The following BMPR1B variants were observed in gnomAD, a reference collection of about 807,000 sequenced individuals.
BMPR1B encodes bone morphogenetic protein receptor type 1B.
Under a neutral mutation model 59.1 loss-of-function variants are expected in BMPR1B, and 12 were observed. The ratio of observed to expected loss-of-function variants is 0.20; its 90% CI spans 0.13 to 0.33. BMPR1B has a LOEUF of 0.33. Ranked by LOEUF, BMPR1B falls within the 10% of genes least tolerant of loss-of-function variation. The probability of loss-of-function intolerance (pLI) is 1.00; values close to 1 mark genes in which losing one functional copy is unlikely to be tolerated. For synonymous variants in BMPR1B, 237 were observed against 207.3 expected (o/e 1.14, Z -1.23); for missense variants, 550 against 610.9 (o/e 0.90, Z 1.05).
At chr4:94,796,867 A>C (rs1723213495) in intron 1 of BMPR1B, among the ~76,000 whole-genome samples, 1 of 152,234 alleles carries the variant, frequency 6.6e-6, no homozygotes, top group Admixed American at 6.5e-5. Context: ...TTTGATTTGT[A>C]ATTATAGTCA....
intron 1 of BMPR1B, among the ~76,000 whole-genome samples, chr4:94,865,657 C>G (rs1726197988): frequency 6.6e-6 from 1 of 152,186 alleles, no homozygotes; most frequent in Non-Finnish European, 1.5e-5. Context: ...TCCCAAAGTG[C>G]TGGGATTACA....
intron 3 of BMPR1B, among the ~76,000 whole-genome samples, chr4:95,063,254 A>G (rs1727540433): frequency 6.6e-6 from 1 of 152,222 alleles, no homozygotes; most frequent in African/African-American, 2.4e-5. Context: ...TAGAAATCCA[A>G]GCATACAAAT....
Position 95,003,892 on chromosome 4 carries a change from C to T in BMPR1B, c.-18+7758C>T, listed in dbSNP as rs560711681. Among the ~76,000 whole-genome samples the T allele has an allele frequency of 8.8e-5, 13 of 148,302 alleles. No homozygotes were observed. In the South Asian group the frequency reaches 1.3e-3, roughly 15 times the overall value. On this transcript the variant is annotated intron_variant, in intron 3 of 12. Coordinates refer to ENST00000515059, the MANE Select transcript of BMPR1B (RefSeq NM_001203.3). ...GCACAATCTCAGCTCAATACAACCT[C>T]CTTCTCCCAAGTTCAAGCGATTCTT... is the stretch of plus-strand genomic sequence containing the variant.
At chr4:94,760,271 T>C (rs191370177) in intron 1 of BMPR1B, among the ~76,000 whole-genome samples, 280 of 152,278 alleles carry the variant, frequency 1.8e-3, no homozygotes, top group African/African-American at 6.4e-3. Flanking sequence ...CCTGTTAGAT[T>C]ATTGTCCCTG....
intron 1 of BMPR1B, among the ~76,000 whole-genome samples, chr4:94,805,538 C>T (rs570755287): frequency 6.6e-6 from 1 of 152,250 alleles, no homozygotes; most frequent in East Asian, 1.9e-4. Context: ...CTTTTGTCCC[C>T]TAATCAAACT....
intron 3 of BMPR1B, among the ~76,000 whole-genome samples, chr4:95,017,044 G>A (rs1229077693): frequency 2.0e-5 from 3 of 152,148 alleles, no homozygotes; most frequent in Non-Finnish European, 4.4e-5. Flanking sequence ...CATTCACTTT[G>A]TTTTTCCTTC....
chr4:94,802,572 C>T (rs777892059), intron 1 of BMPR1B, among the ~76,000 whole-genome samples: 13 of 152,116 alleles, frequency 8.5e-5, no homozygotes, highest in Non-Finnish European at 1.6e-4. Flanking sequence ...GCATGGAGGA[C>T]ATAAGCAAAG....
chr4:94,894,312 G>C (rs1727505543), intron 2 of BMPR1B, among the ~76,000 whole-genome samples: 3 of 152,024 alleles, frequency 2.0e-5, no homozygotes, highest in African/African-American at 4.8e-5. Context: ...TTTTCACATA[G>C]ATCAACTGTT....
chr4:95,044,259 C>G (rs944758968), intron 3 of BMPR1B, among the ~76,000 whole-genome samples: 9 of 152,086 alleles, frequency 5.9e-5, no homozygotes, highest in Non-Finnish European at 1.3e-4. Context: ...AATGGTCTCC[C>G]CAAATATATT....
rs552053294 is a variant in BMPR1B at position 94,885,372 on chromosome 4, G to A, written c.-113+9472G>A. Among the ~76,000 whole-genome samples, 56 of 152,240 alleles carry A rather than the reference G, an allele frequency of 3.7e-4. No homozygotes were observed. The Middle Eastern group carries it at 0.01, about 28-fold the overall frequency. On this transcript the variant is annotated intron_variant, in intron 2 of 12. Transcript: ENST00000515059. ...TTATTTAGCACATCATTATTATTGC[G>A]GTTTAGAAAGATTTGACAAATGCAT...
intron 1 of BMPR1B, among the ~76,000 whole-genome samples, chr4:94,851,950 A>G (rs1265028726): frequency 2.0e-5 from 3 of 152,180 alleles, no homozygotes; most frequent in African/African-American, 7.2e-5. Context: ...ATGTAGGCTC[A>G]TAGTGTGTTA....
rs116821083 is a variant in BMPR1B at position 94,818,537 on chromosome 4, G to C, written c.-182-57294G>C. Among the ~76,000 whole-genome samples, 802 of 152,276 alleles carry C rather than the reference G, an allele frequency of 5.3e-3. 5 individuals carry two copies. The highest frequency in any genetic ancestry group is 0.018 in the African/African-American group (751 of 41,562). On this transcript the variant is annotated intron_variant, in intron 1 of 12. Coordinates refer to ENST00000515059, the MANE Select transcript of BMPR1B (RefSeq NM_001203.3). ...CTACTATGTGCCAGAGAGTATTGTA[G>C]GTGCTTAGATTAAAGCAGTGACCAG...
chr4:94,779,976 C>T (rs1722527549), intron 1 of BMPR1B, among the ~76,000 whole-genome samples: 1 of 151,978 alleles, frequency 6.6e-6, no homozygotes, highest in Non-Finnish European at 1.5e-5. Context: ...CCCTTAATCT[C>T]TATGTTACAT....
At chr4:94,981,045 A>G (rs1336751593) in intron 2 of BMPR1B, among the ~76,000 whole-genome samples, 5 of 148,752 alleles carry the variant, frequency 3.4e-5, no homozygotes, top group Non-Finnish European at 7.5e-5. Context: ...TTGTCATTTT[A>G]ACTCATATAC....
Position 95,132,470 on chromosome 4 carries a change from TATGAAGGTCTTCACC to T in BMPR1B, c.1076+962_1076+976del, listed in dbSNP as rs553039599. Among the ~76,000 whole-genome samples, 33 of 152,268 alleles carry T rather than the reference TATGAAGGTCTTCACC, an allele frequency of 2.2e-4. No individual in the cohort carries two copies. In the South Asian group the frequency reaches 6.6e-3, roughly 31 times the overall value. ...GTGATTTAATAACATACCCCAAATATATGAAGGTCTTCACCATGTAAAGGATGGGAAATTGAAGTT... is the reference window on the plus strand; with the variant it reads ...GTGATTTAATAACATACCCCAAATATATGTAAAGGATGGGAAATTGAAGTT... On this transcript the variant is annotated intron_variant, in intron 10 of 12. Coordinates refer to ENST00000515059, the MANE Select transcript of BMPR1B (RefSeq NM_001203.3).
At chr4:94,929,298 C>T (rs1354095802) in intron 2 of BMPR1B, among the ~76,000 whole-genome samples, 1 of 152,132 alleles carries the variant, frequency 6.6e-6, no homozygotes, top group Non-Finnish European at 1.5e-5. Context: ...AAACTAGAAT[C>T]ACTTGGAGCA....
chr4:94,953,775 T>C (rs964488002), intron 2 of BMPR1B, among the ~76,000 whole-genome samples: 2 of 152,222 alleles, frequency 1.3e-5, no homozygotes, highest in African/African-American at 4.8e-5. Flanking sequence ...TGGTGTTCTC[T>C]GTATTTCCTA....
chr4:95,076,500 T>G (rs1728721403), intron 3 of BMPR1B, among the ~76,000 whole-genome samples: 1 of 152,090 alleles, frequency 6.6e-6, no homozygotes, highest in African/African-American at 2.4e-5. Context: ...AGTATATAAA[T>G]TGCTCACACT....
chr4:94,818,213 ATTATT>A (rs1262564888), intron 1 of BMPR1B, among the ~76,000 whole-genome samples: 16 of 151,968 alleles, frequency 1.1e-4, no homozygotes, highest in African/African-American at 3.9e-4. Flanking sequence ...TTATACTTTT[ATTATT>A]TTAGTTTAGT....
Sources: gnomAD v4.1 joint callset for allele counts (sites outside exome capture counted in the v4.1 genomes callset) on GRCh38, gnomAD v4.1.1 for gene constraint, MANE v1.5 for transcripts, NCBI Gene and HGNC (gene_info 2026-07-23, HGNC 2026-07-21) for gene names.